The following NSD1 variants were observed in gnomAD, a reference collection of about 807,000 sequenced individuals.
NSD1 encodes the protein histone-lysine N-methyltransferase, H3 lysine-36 specific.
In NSD1, 26 loss-of-function variants were observed where a neutral mutation model predicts 242.7. The observed-to-expected ratio is 0.11, with a 90% CI of 0.08 to 0.15. The LOEUF is 0.15. Among genes scored for constraint, NSD1 ranks in the 10% least tolerant of loss-of-function variants. NSD1 has a pLI of 1.00. For synonymous variants in NSD1, 1,106 were observed against 1,178.1 expected (o/e 0.94, Z 1.25); for missense variants, 2,495 against 3,272.8 (o/e 0.76, Z 5.80).
Position 177,297,954 on chromosome 5 carries a change from G to T in NSD1, c.*2495G>T. 4.3e-6 allele frequency: 1 copy of T among 233,098 alleles called. No individual in the cohort carries two copies. The highest frequency in any genetic ancestry group is 8.5e-6 in the Non-Finnish European group (1 of 118,050). The allele number at this position is 233,098 out of a possible 1,614,324, so 14.4% of individuals were successfully genotyped here. A position where few individuals can be genotyped will look rare whatever the true frequency, so the allele number is the denominator to read the frequency against. ...TCTTCATCTGAATGGATGGACATCT[G>T]GGCTTCCTTCAAGGGCCATTGAATG... On this transcript the variant is annotated 3_prime_UTR_variant, in exon 23 of 23. Coordinates refer to ENST00000439151, the MANE Select transcript of NSD1 (RefSeq NM_022455.5).
chr5:177,159,814 C>G (rs1263273826), intron 2 of NSD1, among the ~76,000 whole-genome samples: 1 of 151,978 alleles, frequency 6.6e-6, no homozygotes, highest in Non-Finnish European at 1.5e-5. Flanking sequence ...GTCTCGAACT[C>G]CTGACCTCAG....
intron 5 of NSD1, among the ~76,000 whole-genome samples, chr5:177,222,882 A>G (rs1184111638): frequency 6.6e-6 from 1 of 152,114 alleles, no homozygotes; most frequent in African/African-American, 2.4e-5. Flanking sequence ...AAATCCTGAT[A>G]CATTCTGTTT....
Position 177,192,039 on chromosome 5 carries a change from T to C in NSD1, c.1063+20T>C. The C allele has an allele frequency of 1.9e-6, 3 of 1,612,760 alleles. No homozygotes were observed. ...TGAAAGGTAATACTTGCAGTGATTA[T>C]ACATGTTAAAGGCAGTTGCCTTTAG... On this transcript the variant is annotated intron_variant, in intron 3 of 22. Transcript: ENST00000439151.
At chr5:177,250,043 G>A (rs896746009) in intron 11 of NSD1, among the ~76,000 whole-genome samples, 6 of 152,186 alleles carry the variant, frequency 3.9e-5, no homozygotes, top group African/African-American at 1.2e-4. Context: ...CCATGGTCAT[G>A]CCACTGCACT....
intron 5 of NSD1, among the ~76,000 whole-genome samples, chr5:177,223,557 A>G (rs1764408418): frequency 6.6e-6 from 1 of 152,076 alleles, no homozygotes; most frequent in Non-Finnish European, 1.5e-5. Flanking sequence ...TGGGCGACAG[A>G]GCAAGATTCT....
chr5:177,227,540 G>A (rs1046535142), intron 5 of NSD1, among the ~76,000 whole-genome samples: 1 of 151,864 alleles, frequency 6.6e-6, no homozygotes, highest in Admixed American at 6.6e-5. Flanking sequence ...TCCGCCTCCC[G>A]GGTTCAAGCA....
Position 177,173,209 on chromosome 5 carries a change from G to A in NSD1, c.928-18675G>A, listed in dbSNP as rs577629954. ...CGGGAGGCTGAGGCAGGAGAATGGC[G>A]TGAACCCGGGAGGCGGAGCTTACAG... On this transcript the variant is annotated intron_variant, in intron 2 of 22. Coordinates refer to ENST00000439151, the MANE Select transcript of NSD1 (RefSeq NM_022455.5). Among the ~76,000 whole-genome samples the A allele has an allele frequency of 4.7e-5, 7 of 149,314 alleles. No homozygotes were observed. In the South Asian group the frequency reaches 1.1e-3, roughly 22 times the overall value.
chr5:177,136,503 A>G (rs1465895996), intron 2 of NSD1, among the ~76,000 whole-genome samples: 2 of 152,078 alleles, frequency 1.3e-5, no homozygotes, highest in African/African-American at 2.4e-5. Context: ...GCTAAGATGA[A>G]GTTTTCTTGG....
At chr5:177,259,148 T>C (rs1417921715) in intron 13 of NSD1, among the ~76,000 whole-genome samples, 1 of 152,266 alleles carries the variant, frequency 6.6e-6, no homozygotes, top group African/African-American at 2.4e-5. Flanking sequence ...CCCAATACTG[T>C]ATCTCTGCTG....
intron 2 of NSD1, among the ~76,000 whole-genome samples, chr5:177,140,226 C>G (rs915139390): frequency 6.6e-6 from 1 of 152,052 alleles, no homozygotes; most frequent in Admixed American, 6.6e-5. Flanking sequence ...CTAATTCTTC[C>G]CAGTGTACAA....
At chr5:177,245,974 A>T (rs62397233) in intron 9 of NSD1, among the ~76,000 whole-genome samples, 1,033 of 7,098 alleles carry the variant, frequency 0.15, 21 homozygotes, top group African/African-American at 0.29. Flanking sequence ...TTTTTTATTT[A>T]TTTTTTTTTT....
intron 3 of NSD1, among the ~76,000 whole-genome samples, chr5:177,202,164 G>A (rs1408013079): frequency 5.6e-5 from 7 of 125,606 alleles, no homozygotes; most frequent in African/African-American, 8.6e-5. Context: ...GTGAAACTCC[G>A]TCTCAGAAAA....
chr5:177,156,706 G>A (rs1758166616), intron 2 of NSD1, among the ~76,000 whole-genome samples: 1 of 152,160 alleles, frequency 6.6e-6, no homozygotes, highest in Admixed American at 6.6e-5. Flanking sequence ...ATTTTTTATA[G>A]TATGTCATGT....
At chr5:177,171,696 T>C (rs1434735788) in intron 2 of NSD1, among the ~76,000 whole-genome samples, 5 of 152,242 alleles carry the variant, frequency 3.3e-5, no homozygotes, top group Non-Finnish European at 7.3e-5. Flanking sequence ...TTTATTTAAG[T>C]GGAGTCATAC....
At chr5:177,208,862 A>AT (rs908805291) in intron 4 of NSD1, among the ~76,000 whole-genome samples, 39 of 151,760 alleles carry the variant, frequency 2.6e-4, no homozygotes, top group African/African-American at 8.7e-4. Context: ...CACCTGGCTA[A>AT]TTTTTTTATT....
At chr5:177,185,424 C>T (rs943680832) in intron 2 of NSD1, among the ~76,000 whole-genome samples, 2 of 151,422 alleles carry the variant, frequency 1.3e-5, no homozygotes, top group Non-Finnish European at 2.9e-5. Flanking sequence ...ATGGTGAAAC[C>T]CTGTCTCTCC....
intron 4 of NSD1, among the ~76,000 whole-genome samples, chr5:177,204,498 C>T (rs1290088351): frequency 6.6e-6 from 1 of 152,058 alleles, no homozygotes; most frequent in Non-Finnish European, 1.5e-5. Flanking sequence ...GTATTATAAG[C>T]GAGCACCACC....
At chr5:177,265,519 C>T (rs958119286) in intron 14 of NSD1, 10 of 722,666 alleles carry the variant, frequency 1.4e-5, no homozygotes, top group South Asian at 3.5e-5. Context: ...GCCCCACAAC[C>T]GTCTAGGAAT....
intron 2 of NSD1, among the ~76,000 whole-genome samples, chr5:177,173,988 G>A (rs1238935475): frequency 6.6e-6 from 1 of 152,124 alleles, no homozygotes; most frequent in Non-Finnish European, 1.5e-5. Context: ...TTGGTTAGTG[G>A]GAAGGATATT....
Sources: allele counts gnomAD v4.1 joint callset (sites outside exome capture counted in the v4.1 genomes callset), GRCh38; gene constraint gnomAD v4.1.1; transcripts MANE v1.5; gene names NCBI Gene and HGNC (gene_info 2026-07-23, HGNC 2026-07-21).